Variants in FNIP1 observed in about 807,000 individuals in gnomAD.
FNIP1 encodes the protein folliculin-interacting protein 1.
In FNIP1, 40 loss-of-function variants were observed where a neutral mutation model predicts 124.5. The ratio of observed to expected loss-of-function variants is 0.32; its 90% CI spans 0.25 to 0.42. The LOEUF (loss-of-function observed/expected upper bound fraction) is 0.42. FNIP1 is among the 10% of genes least tolerant of loss of function. FNIP1 has a pLI of 1.00. For missense variants in FNIP1, 1,176 were observed against 1,403.7 expected (o/e 0.84, Z 2.59); for synonymous variants, 472 against 470.6 (o/e 1.00, Z -0.04).
intron 8 of FNIP1, 104 bp downstream of exon 8, chr5:131,709,097 C>T: frequency 1.2e-6 from 1 of 869,064 alleles, no homozygotes; most frequent in South Asian, 1.5e-5. Context: ...TCTTGTAAGG[C>T]TAATATCAAT....
intron 1 of FNIP1, among the ~76,000 whole-genome samples, chr5:131,781,296 C>A (rs76293251): frequency 1.3e-5 from 2 of 152,180 alleles, no homozygotes; most frequent in Admixed American, 1.3e-4. Context: ...GAAGATCTAG[C>A]GAAGATAACT....
In FNIP1 at chr5:131,644,490, C is replaced by A. The variant is rs764130168; in HGVS notation, c.*195G>T. The A allele has an allele frequency of 2.6e-5, 11 of 423,516 alleles. No individual in the cohort carries two copies. Among genetic ancestry groups the A allele is most frequent in the Non-Finnish European group, 3.8e-5 (9 of 237,798 alleles). The allele number at this position is 423,516 out of a possible 1,614,324, so 26.2% of individuals were successfully genotyped here. Reference sequence around the variant, plus strand: ...ATTTCATTTGTTTAAAAATCTACCACCACCCAAAAGTCCAGTCAAAAAGAA... The same window carrying A: ...ATTTCATTTGTTTAAAAATCTACCAACACCCAAAAGTCCAGTCAAAAAGAA... On this transcript the variant is annotated 3_prime_UTR_variant, in exon 18 of 18. Transcript: ENST00000510461.
intron 11 of FNIP1, among the ~76,000 whole-genome samples, chr5:131,680,004 A>T (rs773738664): frequency 6.6e-6 from 1 of 152,242 alleles, no homozygotes; most frequent in Non-Finnish European, 1.5e-5. Context: ...CCTACTTTCT[A>T]CTTTTTAAAA....
intron 11 of FNIP1, among the ~76,000 whole-genome samples, chr5:131,698,422 C>T (rs553492427): frequency 1.2e-4 from 18 of 152,304 alleles, no homozygotes; most frequent in Admixed American, 1.3e-4. Context: ...GTTGTTGGGG[C>T]TTCAGGTACA....
chr5:131,672,097 G>A lies in FNIP1; in HGVS notation c.2347C>T (p.Pro783Ser), dbSNP rs1350216431. The A allele has an allele frequency of 6.2e-7, 1 of 1,614,104 alleles. No individual in the cohort carries two copies. The highest frequency in any genetic ancestry group is 1.7e-5 in the Admixed American group (1 of 60,020). The part of the protein sequence containing the change: ...VDQITRHHTK[P>S]LKEERGAIDQ... ...ATAGCCCCTCTTTCTTCCTTCAATG[G>A]TTTGGTGTGATGTCTGGTAATCTGA... The change falls in exon 14 of 18, where the codon CCA becomes TCA. Residue 783 changes from proline to serine, a missense_variant. By Grantham distance (74) the Pro-to-Ser change is moderately conservative. This residue lies in a region of FNIP1 where 1,109 missense variants were observed against 1,288.5 expected (regional missense o/e 0.86). Transcript: ENST00000510461.
intron 13 of FNIP1, among the ~76,000 whole-genome samples, chr5:131,675,510 G>T (rs1767884292): frequency 6.6e-6 from 1 of 152,102 alleles, no homozygotes; most frequent in Admixed American, 6.5e-5. Flanking sequence ...TTTTAAAAAG[G>T]TCCATGCAAT....
chr5:131,660,801 C>T (rs1561641675), intron 15 of FNIP1, among the ~76,000 whole-genome samples: 1 of 152,186 alleles, frequency 6.6e-6, no homozygotes, highest in African/African-American at 2.4e-5. Flanking sequence ...GTGTGGTAGT[C>T]CCCCACCGGC....
intron 2 of FNIP1, among the ~76,000 whole-genome samples, chr5:131,734,970 A>G (rs1212317107): frequency 2.0e-5 from 3 of 152,204 alleles, no homozygotes; most frequent in African/African-American, 4.8e-5. Flanking sequence ...TATATACCCA[A>G]AGGAATATAA....
intron 17 of FNIP1, among the ~76,000 whole-genome samples, chr5:131,646,713 T>G (rs1288894487): frequency 6.6e-6 from 1 of 152,198 alleles, no homozygotes; most frequent in Non-Finnish European, 1.5e-5. Flanking sequence ...AATATATGGA[T>G]AACGTATTAC....
chr5:131,662,976 CA>C (rs1216285561), intron 15 of FNIP1, among the ~76,000 whole-genome samples: 2 of 152,122 alleles, frequency 1.3e-5, no homozygotes, highest in Non-Finnish European at 1.5e-5. Context: ...CTCCTGACCT[CA>C]GGTGATCCAC....
At chr5:131,725,339 A>G (rs1204821563) in intron 3 of FNIP1, among the ~76,000 whole-genome samples, 1 of 152,172 alleles carries the variant, frequency 6.6e-6, no homozygotes, top group Non-Finnish European at 1.5e-5. Context: ...ATAAGCATGA[A>G]ATGTTCTTCC....
chr5:131,670,456 C>G lies in FNIP1; in HGVS notation c.3108+7G>C. 6.4e-7 allele frequency: 1 copy of G among 1,569,348 alleles called. No individual in the cohort carries two copies. The highest frequency in any genetic ancestry group is 8.6e-7 in the Non-Finnish European group (1 of 1,160,824). On this transcript the variant is annotated splice_region_variant and intron_variant, in intron 15 of 17. Coordinates refer to ENST00000510461, the MANE Select transcript of FNIP1 (RefSeq NM_133372.3). Reference sequence around the variant, plus strand: ...AAATAAACTCAAAAACAGTGAAGGTCACTCACCTGCACAGCATGAGATAAA... The same window carrying G: ...AAATAAACTCAAAAACAGTGAAGGTGACTCACCTGCACAGCATGAGATAAA...
intron 2 of FNIP1, among the ~76,000 whole-genome samples, chr5:131,735,057 C>T (rs571442338): frequency 6.6e-6 from 1 of 152,172 alleles, no homozygotes; most frequent in South Asian, 2.1e-4. Context: ...TTGGAACCAA[C>T]CCAAATGTCC....
chr5:131,691,738 G>T (rs1768487195), intron 11 of FNIP1, among the ~76,000 whole-genome samples: 1 of 152,056 alleles, frequency 6.6e-6, no homozygotes, highest in Non-Finnish European at 1.5e-5. Context: ...TCAATTTTTT[G>T]AAAAACACAC....
chr5:131,654,345 T>C (rs942812051), intron 15 of FNIP1, among the ~76,000 whole-genome samples: 1 of 152,160 alleles, frequency 6.6e-6, no homozygotes, highest in Admixed American at 6.5e-5. Flanking sequence ...AACTATAATA[T>C]GAAATACTGA....
intron 12 of FNIP1, 32 bp from the exon 13 acceptor site, chr5:131,677,904 A>G: frequency 6.3e-7 from 1 of 1,599,064 alleles, no homozygotes; most frequent in Non-Finnish European, 8.5e-7. Flanking sequence ...TCAGATTCCA[A>G]TCAGTCTTCA....
chr5:131,790,299 C>T (rs1223746824), intron 1 of FNIP1, among the ~76,000 whole-genome samples: 3 of 151,776 alleles, frequency 2.0e-5, no homozygotes, highest in East Asian at 1.9e-4. Flanking sequence ...GGCAACGTGG[C>T]GAAACCCCGT....
chr5:131,693,297 C>CATATATATATAT (rs142195628), intron 11 of FNIP1, among the ~76,000 whole-genome samples: 1 of 27,034 alleles, frequency 3.7e-5, no homozygotes, highest in Non-Finnish European at 8.3e-5. Context: ...TAAATATATA[C>CATATATATATAT]ATATATATAT....
intron 2 of FNIP1, among the ~76,000 whole-genome samples, chr5:131,732,466 T>A (rs1443172312): frequency 6.6e-6 from 1 of 152,246 alleles, no homozygotes; most frequent in African/African-American, 2.4e-5. Context: ...GTTTTAGGTC[T>A]AACATTTAAG....
Sources: allele counts gnomAD v4.1 joint callset (sites outside exome capture counted in the v4.1 genomes callset), GRCh38; gene constraint gnomAD v4.1.1; regional missense constraint gnomAD v4.1.1; transcripts MANE v1.5; gene names NCBI Gene and HGNC (gene_info 2026-07-23, HGNC 2026-07-21).